The following LRWD1 variants were observed in gnomAD, a reference collection of about 807,000 sequenced individuals.
The protein encoded by LRWD1 is leucine-rich repeat and WD repeat-containing protein 1.
LRWD1 carries 76 observed loss-of-function variants against 75.6 expected under a neutral mutation model. That is an observed-to-expected ratio of 1.01 (90% CI 0.84 to 1.22). LRWD1 has a LOEUF of 1.22. LRWD1 is among the 50% of genes most tolerant of loss of function. The pLI is 0.00. For synonymous variants in LRWD1, 487 were observed against 377.0 expected (o/e 1.29, Z -3.38); for missense variants, 917 against 862.0 (o/e 1.06, Z -0.80).
At chr7:102,470,170 T>C in intron 11 of LRWD1, 1 of 397,424 alleles carries the variant, frequency 2.5e-6, no homozygotes, top group Non-Finnish European at 4.5e-6. Context: ...CTCCTGCCAC[T>C]CATCAGCAGT....
In LRWD1 at chr7:102,472,244, C is replaced by T; in HGVS notation, c.1469C>T (p.Ser490Phe). 4 of 1,596,690 alleles carry T rather than the reference C, an allele frequency of 2.5e-6. No homozygotes were observed. The highest frequency in any genetic ancestry group is 3.4e-6 in the Non-Finnish European group (4 of 1,170,196). Reference sequence around the variant, plus strand: ...GTGTGTGAAGTGGAATTCGTCTTCTCTGAGGGCTCCGAGGCATCTGGACGG... The same window carrying T: ...GTGTGTGAAGTGGAATTCGTCTTCTTTGAGGGCTCCGAGGCATCTGGACGG... ...RRVCEVEFVFSEGSEASGRRV... is the reference protein window; with the variant it reads ...RRVCEVEFVFFEGSEASGRRV... Residue 490 changes from serine to phenylalanine, a missense_variant, in exon 12 of 15, where the codon TCT becomes TTT. Coordinates refer to ENST00000292616, the MANE Select transcript of LRWD1 (RefSeq NM_152892.3).
Position 102,465,224 on chromosome 7 carries a change from G to T in LRWD1, c.80+64G>T, listed in dbSNP as rs542580225. 15 of 1,351,226 alleles carry T rather than the reference G, an allele frequency of 1.1e-5. No homozygotes were observed. The African/African-American group carries it at 2.2e-4, about 19-fold the overall frequency. The allele number at this position is 1,351,226 out of a possible 1,614,324, so 83.7% of individuals were successfully genotyped here. On this transcript the variant is annotated intron_variant, in intron 1 of 14. Transcript: ENST00000292616. The stretch of plus-strand genomic sequence containing the variant: ...CCGGGCGGTCGGGGAGAAGAGCGGG[G>T]ACCCTCCCCAACGGCCCGCTTGTCC...
chr7:102,469,206 C>G (rs1392153803), intron 9 of LRWD1, 144 bp downstream of exon 9: 3 of 749,436 alleles, frequency 4.0e-6, no homozygotes, highest in East Asian at 5.5e-5. Flanking sequence ...CTAGCTTTGG[C>G]AGGAAGCCAT....
At position 102,469,641 on chromosome 7, in the gene LRWD1, G is replaced by C; in HGVS notation, c.1296G>C (p.Gln432His). The C allele has an allele frequency of 6.2e-7, 1 of 1,614,186 alleles. No homozygotes were observed. The highest frequency in any genetic ancestry group is 8.5e-7 in the Non-Finnish European group (1 of 1,180,006). Residue 432 changes from glutamine to histidine, a missense_variant, in exon 10 of 15, where the codon CAG (glutamine) becomes CAC (histidine). Physicochemically the swap from Gln to His is conservative, Grantham distance 24. Transcript: ENST00000292616. The part of the protein sequence containing the change: ...IGVPNQDYEF[Q>H]ASQLLTLDTT... ...TGCCCAACCAGGACTACGAATTCCA[G>C]GCCAGGTGATGCTTCGGGTGAGGCT...
rs756353133 is a variant in LRWD1 at position 102,473,039 on chromosome 7, G to A, written c.1934G>A (p.Gly645Glu). 2.5e-6 allele frequency: 4 copies of A among 1,613,408 alleles called. No individual in the cohort carries two copies. The highest frequency in any genetic ancestry group is 3.4e-6 in the Non-Finnish European group (4 of 1,179,584). ...LTDSNIVAIW[G>E]RM ...GACTCCAACATCGTAGCCATCTGGG[G>A]GAGGATGTAGCCTCACACCATCGCA... The change falls in exon 15 of 15, where the codon GGG (glycine) becomes GAG (glutamate). Residue 645 changes from glycine to glutamate, a missense_variant. By Grantham distance (98) the Gly-to-Glu change is moderately conservative (BLOSUM62 -2). Coordinates refer to ENST00000292616, the MANE Select transcript of LRWD1 (RefSeq NM_152892.3).
In LRWD1 at chr7:102,468,658, A is replaced by G; in HGVS notation, c.1020+4A>G. ...CAAGTACAAGGCACCCGGCGAGGTG[A>G]GTGCAAGGCCCTGTCCCTGCTGGGC... On this transcript the variant is annotated splice_donor_region_variant and intron_variant, in intron 8 of 14. Coordinates refer to ENST00000292616, the MANE Select transcript of LRWD1 (RefSeq NM_152892.3). 1 of 1,560,482 alleles carries G rather than the reference A, an allele frequency of 6.4e-7. No homozygotes were observed. Among genetic ancestry groups the G allele is most frequent in the Non-Finnish European group, 8.7e-7 (1 of 1,152,272 alleles).
intron 3 of LRWD1, among the ~76,000 whole-genome samples, chr7:102,466,787 TTTTTTTTTTTA>T (rs1184080379): frequency 6.5e-4 from 29 of 44,320 alleles, no homozygotes; most frequent in South Asian, 1.8e-3. Context: ...TTTTTTTTTT[TTTTTTTTTTTA>T]GAGACAGGGT....
intron 1 of LRWD1, 136 bp downstream of exon 1, chr7:102,465,296 G>C (rs1414929743): frequency 4.4e-6 from 4 of 917,162 alleles, no homozygotes; most frequent in Non-Finnish European, 6.1e-6. Flanking sequence ...ATGTCTTCTT[G>C]TTGGGAGATC....
intron 7 of LRWD1, 88 bp from the exon 8 acceptor site, chr7:102,468,466 G>T: frequency 2.0e-6 from 3 of 1,535,584 alleles, no homozygotes. Flanking sequence ...CTTAAAAGGC[G>T]CCATCAAGGC....
In LRWD1 at chr7:102,469,777, T is replaced by C; in HGVS notation, c.1337T>C (p.Leu446Pro). The change falls in exon 11 of 15, where the codon CTG (leucine) becomes CCG (proline). Residue 446 changes from leucine (L) to proline (P), a missense_variant. Transcript: ENST00000292616. ...LLTLDTTSIP[L>P]RLCPVASCPD... ...ACACTGGACACCACCTCTATCCCCC[T>C]GCGCCTCTGCCCTGTCGCCTCCTGC... 6.2e-7 allele frequency: 1 copy of C among 1,609,828 alleles called. No homozygotes were observed. Among genetic ancestry groups the C allele is most frequent in the Non-Finnish European group, 8.5e-7 (1 of 1,177,576 alleles).
chr7:102,467,297 G>C, intron 3 of LRWD1, 42 bp from the exon 4 acceptor site: 1 of 1,558,790 alleles, frequency 6.4e-7, no homozygotes, highest in Middle Eastern at 1.9e-4. Flanking sequence ...GTCCGGAGGA[G>C]CTGGGGTGGG....
rs1190354754 is a variant in LRWD1 at position 102,472,803 on chromosome 7, A to G, written c.1802A>G (p.Gln601Arg). The part of the protein sequence containing the change: ...LLPAALQAPT[Q>R]ILKWPQPWAL... ...CCGGCAGCCCTGCAGGCCCCCACAC[A>G]GGTACTGCCCGGCTCACCCTGCCCA... is the stretch of plus-strand genomic sequence containing the variant. Residue 601 changes from glutamine to arginine, a missense_variant and splice_region_variant, in exon 14 of 15, where the codon CAG becomes CGG. Transcript: ENST00000292616. 1 of 1,613,146 alleles carries G rather than the reference A, an allele frequency of 6.2e-7. No homozygotes were observed. Among genetic ancestry groups the G allele is most frequent in the Admixed American group, 1.7e-5 (1 of 59,978 alleles).
chr7:102,472,742 G>C lies in LRWD1; in HGVS notation c.1741G>C (p.Asp581His). 1.9e-6 allele frequency: 3 copies of C among 1,613,470 alleles called. No homozygotes were observed. In the African/African-American group the frequency reaches 4.0e-5, roughly 21 times the overall value. Residue 581 changes from aspartate to histidine, a missense_variant, in exon 14 of 15, where the codon GAC (aspartate) becomes CAC (histidine). Coordinates refer to ENST00000292616, the MANE Select transcript of LRWD1 (RefSeq NM_152892.3). ...GDEEGNVWLYDVSNILKQPPL... is the reference protein window; with the variant it reads ...GDEEGNVWLYHVSNILKQPPL... The stretch of plus-strand genomic sequence containing the variant: ...TGAGGAGGGCAACGTGTGGCTCTAC[G>C]ACGTCAGCAACATCCTGAAGCAGCC...
In LRWD1 at chr7:102,472,699, G is replaced by T; in HGVS notation, c.1698G>T (p.Gly566=). The T allele has an allele frequency of 6.2e-7, 1 of 1,613,574 alleles. No homozygotes were observed. ...CCACCTCTGTCCCGGCAGATAAGGG[G>T]ATTGTGCTCTGTGGGGATGAGGAGG... is the stretch of plus-strand genomic sequence containing the variant. ...YFSLSACPDK[G]IVLCGDEEGN... The change falls in exon 14 of 15, where the codon GGG becomes GGT. Residue 566 remains glycine, a synonymous_variant. Transcript: ENST00000292616.
At chr7:102,470,560 A>T (rs1364552234) in intron 11 of LRWD1, 1 of 152,378 alleles carries the variant, frequency 6.6e-6, no homozygotes, top group African/African-American at 2.4e-5. Context: ...CCTCCCTGGG[A>T]GCCTGGTGAG....
chr7:102,467,719 G>A lies in LRWD1; in HGVS notation c.574G>A (p.Val192Met), dbSNP rs1331185835. 2 of 1,551,434 alleles carry A rather than the reference G, an allele frequency of 1.3e-6. No individual in the cohort carries two copies. Among genetic ancestry groups the A allele is most frequent in the Non-Finnish European group, 1.7e-6 (2 of 1,147,018 alleles). The change falls in exon 5 of 15, where the codon GTG becomes ATG. Residue 192 changes from valine (V) to methionine (M), a missense_variant and splice_region_variant. Physicochemically the swap from Val to Met is conservative, Grantham distance 21. Coordinates refer to ENST00000292616, the MANE Select transcript of LRWD1 (RefSeq NM_152892.3). ...ESLSEFTQWR[V>M]RMISEELVAA... ...TTCCTGATGGCCTGGCCCCACCCAG[G>A]TGCGGATGATCTCTGAGGAGCTGGT... is the stretch of plus-strand genomic sequence containing the variant.
In LRWD1 at chr7:102,469,859, G is replaced by C; in HGVS notation, c.1419G>C (p.Arg473=). Residue 473 remains arginine (R), a synonymous_variant, in exon 11 of 15, where the codon CGG becomes CGC. Transcript: ENST00000292616. ...GCGGCTGCTGCTGCTGGGACGTGCGGCTGGACCAGCCCCAAAAGAGGAGGT... is the reference window on the plus strand; with the variant it reads ...GCGGCTGCTGCTGCTGGGACGTGCGCCTGGACCAGCCCCAAAAGAGGAGGT... ...CEGGCCCWDV[R]LDQPQKRRVC... The C allele has an allele frequency of 6.3e-7, 1 of 1,587,594 alleles. No individual in the cohort carries two copies. Among genetic ancestry groups the C allele is most frequent in the Non-Finnish European group, 8.6e-7 (1 of 1,168,592 alleles).
At chr7:102,468,398 G>T in intron 7 of LRWD1, 21 bp downstream of exon 7, 2 of 1,582,028 alleles carry the variant, frequency 1.3e-6, no homozygotes, top group Non-Finnish European at 8.6e-7. Flanking sequence ...GCGGGCAGGC[G>T]GGGCAAGGGC....
chr7:102,472,883 C>T, intron 14 of LRWD1, 26 bp from the exon 15 acceptor site: 1 of 1,612,400 alleles, frequency 6.2e-7, no homozygotes, highest in Non-Finnish European at 8.5e-7. Context: ...GGAGCCCAGC[C>T]CAGCCCTCCC....
Sources: gnomAD v4.1 joint callset for allele counts (sites outside exome capture counted in the v4.1 genomes callset) on GRCh38, gnomAD v4.1.1 for gene constraint, MANE v1.5 for transcripts, NCBI Gene and HGNC (gene_info 2026-07-23, HGNC 2026-07-21) for gene names.